The following SSBP3 variants were observed in gnomAD, a reference collection of about 807,000 sequenced individuals.
SSBP3 encodes the protein single stranded DNA binding protein 3.
Under a neutral mutation model 69.6 loss-of-function variants are expected in SSBP3, and 5 were observed. That is an observed-to-expected ratio of 0.07 (90% confidence interval 0.04 to 0.15). The LOEUF (loss-of-function observed/expected upper bound fraction) is 0.15. Among genes scored for constraint, SSBP3 ranks in the 10% least tolerant of loss-of-function variants. The pLI is 1.00. For missense variants in SSBP3, 312 were observed against 534.0 expected (o/e 0.58, Z 4.10); for synonymous variants, 196 against 193.4 (o/e 1.01, Z -0.11).
chr1:54,242,029 C>A (rs1270905862), intron 11 of SSBP3, 135 bp downstream of exon 11: 2 of 1,056,466 alleles, frequency 1.9e-6, no homozygotes, highest in Non-Finnish European at 1.4e-6. Flanking sequence ...TCCACACGGC[C>A]TTCTCCCTAG....
At chr1:54,319,521 C>A (rs896554426) in intron 4 of SSBP3, among the ~76,000 whole-genome samples, 5 of 152,152 alleles carry the variant, frequency 3.3e-5, no homozygotes, top group Non-Finnish European at 5.9e-5. Flanking sequence ...GCAGCAGGAG[C>A]CTCAGGACTC....
chr1:54,239,474 T>TC (rs1476537670), intron 13 of SSBP3, among the ~76,000 whole-genome samples: 2 of 152,066 alleles, frequency 1.3e-5, no homozygotes, highest in African/African-American at 2.4e-5. Context: ...CCGAATCTGG[T>TC]CCCCAGACAC....
chr1:54,238,586 G>C, intron 14 of SSBP3: 1 of 335,184 alleles, frequency 3.0e-6, no homozygotes, highest in South Asian at 2.7e-5. Context: ...GCAGTAATCA[G>C]AAATGGGGAA....
chr1:54,405,761 G>A (rs1649694275), intron 1 of SSBP3, among the ~76,000 whole-genome samples, 192 bp downstream of exon 1: 1 of 139,884 alleles, frequency 7.1e-6, no homozygotes, highest in African/African-American at 2.6e-5. Flanking sequence ...AACCTCCGCC[G>A]GCTCCCAACA....
intron 4 of SSBP3, among the ~76,000 whole-genome samples, chr1:54,303,448 C>T (rs181032694): frequency 1.8e-4 from 28 of 152,314 alleles, no homozygotes; most frequent in African/African-American, 6.3e-4. Flanking sequence ...AACAATCACC[C>T]GCATTTCCCC....
exon 18 of SSBP3, chr1:54,226,926 T>C (rs1370211031): frequency 3.3e-6 from 2 of 601,840 alleles, no homozygotes; most frequent in Non-Finnish European, 6.1e-6. Context: ...CTTCTTGTTT[T>C]ATGGAATAAA....
intron 4 of SSBP3, among the ~76,000 whole-genome samples, chr1:54,290,858 T>A (rs555230339): frequency 6.6e-6 from 1 of 152,204 alleles, no homozygotes; most frequent in African/African-American, 2.4e-5. Flanking sequence ...AGCTCGGTAT[T>A]TGTACAACGT....
chr1:54,321,324 C>T (rs1646209045), intron 4 of SSBP3, among the ~76,000 whole-genome samples: 1 of 152,238 alleles, frequency 6.6e-6, no homozygotes, highest in African/African-American at 2.4e-5. Flanking sequence ...AGGCTGTATT[C>T]ATCTCAGTGC....
chr1:54,248,347 C>T (rs890380556), intron 9 of SSBP3, among the ~76,000 whole-genome samples: 1 of 152,206 alleles, frequency 6.6e-6, no homozygotes, highest in African/African-American at 2.4e-5. Context: ...GGGAAGGGAT[C>T]CACAGGACAC....
In SSBP3 at chr1:54,253,594, T is replaced by C. The variant is rs61393594; in HGVS notation, c.508-1734A>G. ...TTAGTTGTTCCGGCCTCTCACTTTC[T>C]CCCAGCCCTGCTTCCTGGCCCCAGG... On this transcript the variant is annotated intron_variant, in intron 7 of 17. Coordinates refer to ENST00000610401, the Ensembl canonical transcript of SSBP3. Among the ~76,000 whole-genome samples, 1,088 of 152,326 alleles carry C rather than the reference T, an allele frequency of 7.1e-3. 10 individuals carry two copies. The highest frequency in any genetic ancestry group is 0.025 in the African/African-American group (1,043 of 41,572).
At chr1:54,304,982 A>G (rs950772308) in intron 4 of SSBP3, among the ~76,000 whole-genome samples, 1 of 152,074 alleles carries the variant, frequency 6.6e-6, no homozygotes, top group Non-Finnish European at 1.5e-5. Flanking sequence ...AGCGGCTCTT[A>G]GTGGAGCATG....
chr1:54,405,984 C>T, exon 1 of SSBP3: 1 of 1,484,984 alleles, frequency 6.7e-7, no homozygotes, highest in Non-Finnish European at 9.0e-7. Flanking sequence ...GAGGGCACCG[C>T]CGAGCCTTTG....
chr1:54,307,990 C>T (rs1384111718), intron 4 of SSBP3, among the ~76,000 whole-genome samples: 2 of 152,162 alleles, frequency 1.3e-5, no homozygotes, highest in African/African-American at 2.4e-5. Context: ...ACTGTGAACT[C>T]GCCCTGAATT....
intron 4 of SSBP3, among the ~76,000 whole-genome samples, chr1:54,318,466 C>T (rs1474611120): frequency 6.6e-6 from 1 of 152,072 alleles, no homozygotes; most frequent in Non-Finnish European, 1.5e-5. Context: ...ATCCCCTTAA[C>T]TGAGAAAGCA....
chr1:54,251,859 G>A (rs777785816), exon 8 of SSBP3: 3 of 1,611,466 alleles, frequency 1.9e-6, no homozygotes, highest in East Asian at 4.5e-5. Context: ...TCCTCCCGGA[G>A]GCTGAAAGAG....
chr1:54,307,907 C>A (rs569175596), intron 4 of SSBP3, among the ~76,000 whole-genome samples: 1 of 152,340 alleles, frequency 6.6e-6, no homozygotes, highest in Admixed American at 6.5e-5. Context: ...CAGCAGCCCT[C>A]GGGGCTGCTC....
chr1:54,394,024 T>C (rs1648682252), intron 4 of SSBP3, among the ~76,000 whole-genome samples: 1 of 152,198 alleles, frequency 6.6e-6, no homozygotes. Context: ...CCTCCCAAAG[T>C]GTTGGGATTA....
intron 5 of SSBP3, among the ~76,000 whole-genome samples, chr1:54,269,007 T>A (rs933315902): frequency 6.6e-6 from 1 of 151,942 alleles, no homozygotes; most frequent in Non-Finnish European, 1.5e-5. Context: ...CTATCAGGAG[T>A]CAAGTACTTA....
At chr1:54,226,793 T>C (rs1305067105) in exon 18 of SSBP3, 3 of 235,372 alleles carry the variant, frequency 1.3e-5, no homozygotes, top group Non-Finnish European at 2.5e-5. Context: ...ATCCCAACAA[T>C]GGTAAAACCC....
Sources: allele counts gnomAD v4.1 joint callset (sites outside exome capture counted in the v4.1 genomes callset), GRCh38; gene constraint gnomAD v4.1.1; transcripts MANE v1.5; gene names NCBI Gene and HGNC (gene_info 2026-07-23, HGNC 2026-07-21).